Variants in LRRC4C observed in about 807,000 individuals in gnomAD.
LRRC4C encodes the protein leucine rich repeat containing 4C, also known as leucine-rich repeat-containing protein 4C.
LRRC4C carries 5 observed loss-of-function variants against 33.6 expected under a neutral mutation model. The observed-to-expected ratio is 0.15, with a 90% CI of 0.08 to 0.31. The LOEUF is 0.31. Ranked by LOEUF, LRRC4C falls within the 10% of genes least tolerant of loss-of-function variation. LRRC4C has a pLI of 1.00. For synonymous variants in LRRC4C, 329 were observed against 302.0 expected (o/e 1.09, Z -0.93); for missense variants, 560 against 796.7 (o/e 0.70, Z 3.58).
chr11:40,950,159 T>G (rs1473986765), intron 1 of LRRC4C, among the ~76,000 whole-genome samples: 1 of 151,566 alleles, frequency 6.6e-6, no homozygotes, highest in Non-Finnish European at 1.5e-5. Context: ...CTCAGAATCA[T>G]AAGAGCACTG....
chr11:41,011,986 A>G (rs966370861), intron 1 of LRRC4C, among the ~76,000 whole-genome samples: 17 of 149,944 alleles, frequency 1.1e-4, no homozygotes, highest in Admixed American at 5.3e-4. Flanking sequence ...ATATTTTTTC[A>G]GGGACATGGG....
chr11:40,404,094 C>T (rs1299081676), intron 3 of LRRC4C, among the ~76,000 whole-genome samples: 1 of 152,098 alleles, frequency 6.6e-6, no homozygotes, highest in African/African-American at 2.4e-5. Context: ...AGTGCTTGTT[C>T]GTAGTGGCAG....
At position 40,698,521 on chromosome 11, in the gene LRRC4C, C is replaced by G. The variant is rs373351644; in HGVS notation, c.-406-50243G>C. The stretch of plus-strand genomic sequence containing the variant: ...TGCCTCACCTATTGTCCTTCCTCTG[C>G]TTTATCTTCAAATGGAAAATGGAAA... On this transcript the variant is annotated intron_variant, in intron 2 of 6. Transcript: ENST00000528697. 3.3e-5 allele frequency among the ~76,000 whole-genome samples: 5 copies of G among 151,674 alleles called. No homozygotes were observed. The South Asian group carries it at 6.2e-4, about 19-fold the overall frequency.
chr11:41,310,661 G>A (rs1187049111), intron 1 of LRRC4C, among the ~76,000 whole-genome samples: 1 of 152,062 alleles, frequency 6.6e-6, no homozygotes, highest in Non-Finnish European at 1.5e-5. Flanking sequence ...TATTTGTCTA[G>A]CCTTAGTTTA....
At chr11:40,356,838 A>G (rs962028) in intron 3 of LRRC4C, among the ~76,000 whole-genome samples, 77,705 of 151,920 alleles carry the variant, frequency 0.51, 20,304 homozygotes, top group East Asian at 0.84. Flanking sequence ...CAAGTGTTTA[A>G]TATATATTTG....
chr11:40,252,641 G>A (rs933766751), intron 4 of LRRC4C, among the ~76,000 whole-genome samples: 1 of 152,184 alleles, frequency 6.6e-6, no homozygotes, highest in Non-Finnish European at 1.5e-5. Context: ...GGATGGCAAA[G>A]ATTAAAATAG....
intron 1 of LRRC4C, among the ~76,000 whole-genome samples, chr11:41,157,946 T>C (rs1944306007): frequency 6.6e-6 from 1 of 152,104 alleles, no homozygotes; most frequent in South Asian, 2.1e-4. Flanking sequence ...TAAATTATTA[T>C]TGATTATATT....
intron 1 of LRRC4C, among the ~76,000 whole-genome samples, chr11:41,227,803 T>C (rs1323238265): frequency 6.6e-6 from 1 of 152,178 alleles, no homozygotes; most frequent in Non-Finnish European, 1.5e-5. Context: ...GTATGTATCC[T>C]TTACATTCCA....
chr11:40,762,056 T>G (rs914374973), intron 2 of LRRC4C, among the ~76,000 whole-genome samples: 2 of 152,198 alleles, frequency 1.3e-5, no homozygotes, highest in African/African-American at 4.8e-5. Flanking sequence ...GACTTCTCTA[T>G]AGCATAGAAG....
chr11:40,612,951 G>A (rs953423727), intron 3 of LRRC4C, among the ~76,000 whole-genome samples: 4 of 151,848 alleles, frequency 2.6e-5, no homozygotes, highest in African/African-American at 7.3e-5. Flanking sequence ...CTGACATTAT[G>A]CATTAAAAAA....
intron 3 of LRRC4C, among the ~76,000 whole-genome samples, chr11:40,509,612 A>G (rs1451221331): frequency 6.6e-6 from 1 of 152,090 alleles, no homozygotes; most frequent in Non-Finnish European, 1.5e-5. Context: ...AGTGCATTTC[A>G]TAGTGCCTAG....
At chr11:40,873,098 A>G (rs533675735) in intron 2 of LRRC4C, among the ~76,000 whole-genome samples, 1 of 152,280 alleles carries the variant, frequency 6.6e-6, no homozygotes. Flanking sequence ...TGAAGTCCTC[A>G]TGTTTACAAT....
At chr11:41,247,025 T>A (rs1948477291) in intron 1 of LRRC4C, among the ~76,000 whole-genome samples, 1 of 152,254 alleles carries the variant, frequency 6.6e-6, no homozygotes, top group Non-Finnish European at 1.5e-5. Context: ...GGTCACCCCT[T>A]CTTACCTTCT....
intron 2 of LRRC4C, among the ~76,000 whole-genome samples, chr11:40,726,581 CA>C (rs1271709549): frequency 4.6e-5 from 7 of 152,090 alleles, no homozygotes; most frequent in Non-Finnish European, 8.8e-5. Flanking sequence ...AAACCCTTAA[CA>C]AACTAAGCAC....
At chr11:40,518,477 A>AT (rs1442538616) in intron 3 of LRRC4C, among the ~76,000 whole-genome samples, 2 of 152,240 alleles carry the variant, frequency 1.3e-5, no homozygotes, top group Non-Finnish European at 2.9e-5. Flanking sequence ...AAAAGAAGCC[A>AT]TTTATGCAGC....
intron 3 of LRRC4C, among the ~76,000 whole-genome samples, chr11:40,640,277 T>C (rs1376989500): frequency 6.6e-6 from 1 of 152,216 alleles, no homozygotes; most frequent in East Asian, 1.9e-4. Context: ...ATATTTCTCA[T>C]GGGCTTTTTA....
chr11:41,354,325 A>G (rs771027739), intron 1 of LRRC4C, among the ~76,000 whole-genome samples: 25 of 152,184 alleles, frequency 1.6e-4, no homozygotes, highest in Non-Finnish European at 2.5e-4. Flanking sequence ...AGGGAAGTGA[A>G]ATATCTCCAC....
chr11:41,020,681 A>G (rs566171126), intron 1 of LRRC4C, among the ~76,000 whole-genome samples: 1 of 152,080 alleles, frequency 6.6e-6, no homozygotes, highest in Admixed American at 6.6e-5. Flanking sequence ...GAGAGAACAA[A>G]TTTCTGTTTT....
intron 5 of LRRC4C, among the ~76,000 whole-genome samples, chr11:40,164,077 T>C (rs1329742102): frequency 6.6e-6 from 1 of 152,154 alleles, no homozygotes; most frequent in Non-Finnish European, 1.5e-5. Flanking sequence ...GAGGGTCATG[T>C]GTCAAAGAAC....
Sources: gnomAD v4.1 joint callset for allele counts (sites outside exome capture counted in the v4.1 genomes callset) on GRCh38, gnomAD v4.1.1 for gene constraint, MANE v1.5 for transcripts, NCBI Gene and HGNC (gene_info 2026-07-23, HGNC 2026-07-21) for gene names.